The following CPA6 variants were observed in gnomAD, a reference collection of about 807,000 sequenced individuals.
The protein encoded by CPA6 is carboxypeptidase B.
In CPA6, 58 loss-of-function variants were observed where a neutral mutation model predicts 63.3. The ratio of observed to expected loss-of-function variants is 0.92; its 90% CI spans 0.74 to 1.14. CPA6 has a LOEUF of 1.14. Among genes scored for constraint, CPA6 ranks in the 50% most tolerant of loss-of-function variants. The pLI is 0.00. For missense variants in CPA6, 565 were observed against 526.6 expected (o/e 1.07, Z -0.71); for synonymous variants, 185 against 179.0 (o/e 1.03, Z -0.27).
chr8:67,537,808 T>C (rs1476352144), intron 2 of CPA6, among the ~76,000 whole-genome samples: 6 of 152,250 alleles, frequency 3.9e-5, no homozygotes, highest in African/African-American at 1.4e-4. Context: ...TTTCCCACTT[T>C]CTCTTATGGA....
chr8:67,489,194 C>G (rs1811552713), intron 6 of CPA6, among the ~76,000 whole-genome samples: 1 of 152,124 alleles, frequency 6.6e-6, no homozygotes, highest in South Asian at 2.1e-4. Flanking sequence ...AATCCTCCTT[C>G]TTAGCTTCCT....
intron 1 of CPA6, chr8:67,735,706 A>G (rs1383820812): frequency 1.4e-5 from 2 of 141,718 alleles, no homozygotes; most frequent in Admixed American, 7.2e-5. Context: ...TTCCATTGCT[A>G]TTACATTTCT....
intron 6 of CPA6, among the ~76,000 whole-genome samples, chr8:67,487,993 T>A (rs1811520545): frequency 6.6e-6 from 1 of 152,210 alleles, no homozygotes; most frequent in Non-Finnish European, 1.5e-5. Flanking sequence ...TTTCTCCCAT[T>A]TTGTAGGTTG....
At chr8:67,705,837 A>C (rs1381458366) in intron 1 of CPA6, among the ~76,000 whole-genome samples, 1 of 152,196 alleles carries the variant, frequency 6.6e-6, no homozygotes, top group Admixed American at 6.5e-5. Flanking sequence ...ACCTCCTTAT[A>C]TGCTCCCCTT....
chr8:67,640,501 T>G lies in CPA6; in HGVS notation c.117-16250A>C, dbSNP rs186095722. Among the ~76,000 whole-genome samples, 323 of 151,100 alleles carry G rather than the reference T, an allele frequency of 2.1e-3. 14 individuals are homozygous for G. The highest frequency in any genetic ancestry group is 7.7e-3 in the African/African-American group (312 of 40,656). ...CCATGATTGGAGCAAGAACTAACAG[T>G]GGCGAGAAGTCAGACAGCAGGAGCA... On this transcript the variant is annotated intron_variant, in intron 1 of 10. Coordinates refer to ENST00000297770, the MANE Select transcript of CPA6 (RefSeq NM_020361.5).
chr8:67,505,270 G>A (rs1264314127), intron 6 of CPA6, among the ~76,000 whole-genome samples: 1 of 152,202 alleles, frequency 6.6e-6, no homozygotes, highest in Non-Finnish European at 1.5e-5. Context: ...GCCAAGTGTT[G>A]TTCTACATGT....
intron 1 of CPA6, among the ~76,000 whole-genome samples, chr8:67,689,887 C>A (rs1272598641): frequency 6.6e-6 from 1 of 152,192 alleles, no homozygotes; most frequent in African/African-American, 2.4e-5. Context: ...TTTATATTCC[C>A]ACCAACAGTG....
intron 1 of CPA6, among the ~76,000 whole-genome samples, chr8:67,730,961 C>T (rs1736694208): frequency 6.6e-6 from 1 of 152,304 alleles, no homozygotes; most frequent in South Asian, 2.1e-4. Flanking sequence ...AAAAATTATC[C>T]ATTCTTAAGA....
At chr8:67,461,986 G>A (rs1357962811) in intron 8 of CPA6, among the ~76,000 whole-genome samples, 2 of 151,516 alleles carry the variant, frequency 1.3e-5, no homozygotes, top group African/African-American at 4.8e-5. Context: ...AGAGGCTTTA[G>A]TTAAAATTTT....
intron 2 of CPA6, among the ~76,000 whole-genome samples, chr8:67,583,883 C>G (rs754309792): frequency 1.3e-5 from 2 of 152,144 alleles, no homozygotes; most frequent in Admixed American, 6.5e-5. Flanking sequence ...CATGGCCAGG[C>G]ACAGTGGCTT....
At chr8:67,517,255 G>C (rs1039999850) in intron 3 of CPA6, among the ~76,000 whole-genome samples, 2 of 152,104 alleles carry the variant, frequency 1.3e-5, no homozygotes, top group Admixed American at 6.5e-5. Flanking sequence ...AACATGAGGA[G>C]AGTCTGCTCT....
chr8:67,446,274 A>G (rs1205308310), intron 8 of CPA6, among the ~76,000 whole-genome samples: 2 of 152,030 alleles, frequency 1.3e-5, no homozygotes, highest in Non-Finnish European at 2.9e-5. Flanking sequence ...AAAAAAAAAA[A>G]AAAAAGTAGT....
intron 2 of CPA6, among the ~76,000 whole-genome samples, chr8:67,538,808 T>G (rs1240549935): frequency 6.6e-6 from 1 of 151,970 alleles, no homozygotes; most frequent in African/African-American, 2.4e-5. Context: ...TACAGGTGCC[T>G]GCCACTATGC....
intron 1 of CPA6, among the ~76,000 whole-genome samples, chr8:67,662,875 CG>C (rs1265350958): frequency 6.6e-6 from 1 of 152,058 alleles, no homozygotes; most frequent in East Asian, 1.9e-4. Context: ...CTGAACAAAG[CG>C]GTTTCTTAAC....
intron 9 of CPA6, among the ~76,000 whole-genome samples, chr8:67,433,640 T>C (rs1810077498): frequency 6.6e-6 from 1 of 152,208 alleles, no homozygotes; most frequent in Admixed American, 6.5e-5. Flanking sequence ...TGACCAAAAC[T>C]ATGATACTAA....
In CPA6 at chr8:67,458,918, C is replaced by T. The variant is rs150469552; in HGVS notation, c.839-24678G>A. ...AAATGATGGTGAAGACGTGGAGCAA[C>T]AGGAACTTTCATTCATTGATTGTAG... On this transcript the variant is annotated intron_variant, in intron 8 of 10. Transcript: ENST00000297770. Among the ~76,000 whole-genome samples, 773 of 152,274 alleles carry T rather than the reference C, an allele frequency of 5.1e-3. 3 individuals carry two copies. The highest frequency in any genetic ancestry group is 8.7e-3 in the Non-Finnish European group (593 of 68,020).
chr8:67,532,103 AC>A (rs1159612847), intron 2 of CPA6, among the ~76,000 whole-genome samples: 2 of 152,240 alleles, frequency 1.3e-5, no homozygotes, highest in East Asian at 3.9e-4. Context: ...AAGAACAACT[AC>A]AAAAAAGTAA....
chr8:67,512,412 C>T (rs764638462), intron 3 of CPA6, among the ~76,000 whole-genome samples: 6 of 152,170 alleles, frequency 3.9e-5, no homozygotes, highest in Non-Finnish European at 5.9e-5. Flanking sequence ...TTGGAAAAAG[C>T]GATTTCACTG....
intron 2 of CPA6, 23 bp from the exon 3 acceptor site, chr8:67,518,070 T>G: frequency 6.5e-7 from 1 of 1,535,718 alleles, no homozygotes; most frequent in Non-Finnish European, 8.8e-7. Context: ...AACCAACCTA[T>G]AATTCATATC....
Sources: gnomAD v4.1 joint callset for allele counts (sites outside exome capture counted in the v4.1 genomes callset) on GRCh38, gnomAD v4.1.1 for gene constraint, MANE v1.5 for transcripts, NCBI Gene and HGNC (gene_info 2026-07-23, HGNC 2026-07-21) for gene names.